SENP2: variants seen among roughly 807,000 people sequenced by gnomAD.
SENP2 encodes the protein sentrin-specific protease 2.
In SENP2, 16 loss-of-function variants were observed where a neutral mutation model predicts 86.3. The observed-to-expected ratio is 0.19, with a 90% confidence interval of 0.13 to 0.28. The LOEUF is 0.28. Among genes scored for constraint, SENP2 ranks in the 10% least tolerant of loss-of-function variants. The pLI, the probability that SENP2 is intolerant of heterozygous loss-of-function variation, is 1.00. For synonymous variants in SENP2, 222 were observed against 238.7 expected, an observed-to-expected ratio of 0.93 and a Z score of 0.64; for missense variants, 552 against 703.0, an observed-to-expected ratio of 0.79 and a Z score of 2.43.
chr3:185,615,869 T>C, intron 11 of SENP2, among the ~76,000 whole-genome samples: 1 of 151,966 alleles, frequency 6.6e-6, no homozygotes, highest in East Asian at 2.0e-4. Flanking sequence ...GTTTTATTTA[T>C]TTATTTATTT....
At chr3:185,619,999 G>A (rs888330844) in intron 13 of SENP2, among the ~76,000 whole-genome samples, 29 of 151,542 alleles carry the variant, frequency 1.9e-4, no homozygotes, top group African/African-American at 5.8e-4. Context: ...TTTTCAAAGT[G>A]TTGGTATTAC....
chr3:185,630,332 C>T lies in SENP2; in HGVS notation c.*488C>T, dbSNP rs1246684384. 1.3e-5 allele frequency: 2 copies of T among 153,030 alleles called. No individual in the cohort carries two copies. Among genetic ancestry groups the T allele is most frequent in the African/African-American group, 2.4e-5 (1 of 41,470 alleles). The allele number at this position is 153,030 out of a possible 1,614,324, so 9.5% of individuals were successfully genotyped here. A position where few individuals can be genotyped will look rare whatever the true frequency, so the allele number is the denominator to read the frequency against. On this transcript the variant is annotated 3_prime_UTR_variant, in exon 17 of 17. Transcript: ENST00000296257. ...CAAGCTGCCACTCCCTGCTGAAGAG[C>T]AGGAGGGAACTCTCACTGGGGGCGG...
intron 2 of SENP2, among the ~76,000 whole-genome samples, chr3:185,590,649 T>C (rs2148979549): frequency 6.6e-6 from 1 of 150,740 alleles, no homozygotes; most frequent in South Asian, 2.1e-4. Context: ...GAGGATCACT[T>C]GAGGTCAGGA....
At position 185,606,357 on chromosome 3, in the gene SENP2, T is replaced by A; in HGVS notation, c.477T>A (p.Asn159Lys). The A allele has an allele frequency of 1.2e-6, 2 of 1,610,388 alleles. No homozygotes were observed. Among genetic ancestry groups the A allele is most frequent in the Non-Finnish European group, 1.7e-6 (2 of 1,179,096 alleles). Residue 159 changes from asparagine (N) to lysine (K), a missense_variant, in exon 6 of 17, where the codon AAT (asparagine) becomes AAA (lysine). Transcript: ENST00000296257. ...TTACTTTGAACTCAGAAGGCTGTAA[T>A]AGAAGACCAGGTGGCCGTCGCCATA... Reference protein sequence around the residue: ...FGFTLNSEGCNRRPGGRRHSK... With the variant: ...FGFTLNSEGCKRRPGGRRHSK...
At chr3:185,603,104 G>T (rs1722401529) in intron 5 of SENP2, among the ~76,000 whole-genome samples, 1 of 151,308 alleles carries the variant, frequency 6.6e-6, no homozygotes, top group Non-Finnish European at 1.5e-5. Flanking sequence ...TAGAGATGGG[G>T]TTTCACTATG....
intron 14 of SENP2, among the ~76,000 whole-genome samples, 172 bp from the exon 15 acceptor site, chr3:185,623,826 C>CA (rs63707460): frequency 0.034 from 1,548 of 46,034 alleles, 110 homozygotes; most frequent in African/African-American, 0.082. Context: ...GACTCTGTCT[C>CA]AAAAAAAAAA....
At chr3:185,600,220 T>C (rs1402009606) in intron 4 of SENP2, among the ~76,000 whole-genome samples, 1 of 152,220 alleles carries the variant, frequency 6.6e-6, no homozygotes, top group East Asian at 1.9e-4. Context: ...ATATGAAGGA[T>C]GGTAGATTTG....
chr3:185,622,344 A>C (rs1285541281), intron 14 of SENP2, among the ~76,000 whole-genome samples: 5 of 152,212 alleles, frequency 3.3e-5, no homozygotes, highest in Non-Finnish European at 1.5e-5. Flanking sequence ...TTGCTATAAT[A>C]GAAACCAATC....
chr3:185,625,550 G>C (rs1056408628), intron 15 of SENP2, among the ~76,000 whole-genome samples: 9 of 152,130 alleles, frequency 5.9e-5, no homozygotes, highest in Non-Finnish European at 1.2e-4. Context: ...GCCAAGATTA[G>C]GGCAACACAG....
intron 4 of SENP2, among the ~76,000 whole-genome samples, chr3:185,599,266 A>T (rs1329699984): frequency 1.3e-5 from 2 of 152,184 alleles, no homozygotes; most frequent in Non-Finnish European, 2.9e-5. Context: ...AAAAAGGTTC[A>T]TTCATTTAAA....
At chr3:185,598,231 C>T (rs1351902530) in intron 2 of SENP2, among the ~76,000 whole-genome samples, 181 bp from the exon 3 acceptor site, 1 of 151,804 alleles carries the variant, frequency 6.6e-6, no homozygotes, top group East Asian at 1.9e-4. Context: ...GTCTCGAGCT[C>T]CTGGGCTCAA....
At chr3:185,608,095 G>A (rs1722576201) in intron 6 of SENP2, among the ~76,000 whole-genome samples, 1 of 152,198 alleles carries the variant, frequency 6.6e-6, no homozygotes, top group Non-Finnish European at 1.5e-5. Context: ...ATTTATTGGG[G>A]TCCCAGGTAC....
Position 185,594,528 on chromosome 3 carries a change from C to T in SENP2, c.158-3884C>T, listed in dbSNP as rs913589675. Among the ~76,000 whole-genome samples the T allele has an allele frequency of 3.3e-5, 5 of 151,240 alleles. No homozygotes were observed. In the East Asian group the frequency reaches 9.7e-4, roughly 29 times the overall value. On this transcript the variant is annotated intron_variant, in intron 2 of 16. Coordinates refer to ENST00000296257, the MANE Select transcript of SENP2 (RefSeq NM_021627.3). ...TCTGGCTACTAGCTACTGTGTTGGA[C>T]AGTACAACTCCATTGGTTGCTTTTG...
At chr3:185,621,445 A>G (rs1711886015) in intron 13 of SENP2, among the ~76,000 whole-genome samples, 1 of 125,370 alleles carries the variant, frequency 8.0e-6, no homozygotes, top group Non-Finnish European at 1.6e-5. Context: ...GCTAGAGTGC[A>G]GTGACACAAT....
chr3:185,618,054 C>T (rs1258299947), intron 12 of SENP2, among the ~76,000 whole-genome samples: 1 of 152,198 alleles, frequency 6.6e-6, no homozygotes, highest in Non-Finnish European at 1.5e-5. Flanking sequence ...AAGCAATTCT[C>T]CTACCTCAGC....
intron 3 of SENP2, among the ~76,000 whole-genome samples, chr3:185,598,754 A>T (rs948873731): frequency 1.3e-5 from 2 of 152,198 alleles, no homozygotes; most frequent in Non-Finnish European, 2.9e-5. Context: ...ATATTATTAC[A>T]TATGCTTTCT....
intron 2 of SENP2, among the ~76,000 whole-genome samples, chr3:185,590,374 CCT>C (rs1341295933): frequency 6.6e-6 from 1 of 151,758 alleles, no homozygotes; most frequent in Non-Finnish European, 1.5e-5. Flanking sequence ...ATGGCAAAAC[CCT>C]GTCTCTACTA....
At chr3:185,624,489 G>A (rs544540426) in intron 15 of SENP2, among the ~76,000 whole-genome samples, 1 of 152,100 alleles carries the variant, frequency 6.6e-6, no homozygotes, top group African/African-American at 2.4e-5. Context: ...TTTCCCGGTT[G>A]GTGCTAATGA....
chr3:185,614,454 T>C (rs1711525309), intron 10 of SENP2, 110 bp from the exon 11 acceptor site: 1 of 1,067,482 alleles, frequency 9.4e-7, no homozygotes, highest in South Asian at 1.7e-5. Context: ...GGGGATTTGC[T>C]AATTCTCTTT....
Sources: allele counts gnomAD v4.1 joint callset (sites outside exome capture counted in the v4.1 genomes callset), GRCh38; gene constraint gnomAD v4.1.1; transcripts MANE v1.5; gene names NCBI Gene and HGNC (gene_info 2026-07-23, HGNC 2026-07-21).